MEI4: variants seen among roughly 807,000 people sequenced by gnomAD.
MEI4 encodes meiosis-specific protein MEI4.
A neutral mutation model predicts 31.4 loss-of-function variants in MEI4; 27 were observed. The ratio of observed to expected loss-of-function variants is 0.86; its 90% CI spans 0.63 to 1.19. The LOEUF (loss-of-function observed/expected upper bound fraction) is 1.19, where lower values mean the gene tolerates loss of function less well. MEI4 is among the 50% of genes most tolerant of loss of function. The pLI is 0.00. For synonymous variants in MEI4, 122 were observed against 145.4 expected (o/e 0.84, Z 1.16); for missense variants, 329 against 398.9 (o/e 0.82, Z 1.49).
chr6:77,921,543 T>A (rs764747363), intron 4 of MEI4, among the ~76,000 whole-genome samples: 66 of 151,856 alleles, frequency 4.3e-4, no homozygotes, highest in Non-Finnish European at 8.2e-4. Flanking sequence ...AACTCTTTCT[T>A]TGAATTTACA....
intron 3 of MEI4, among the ~76,000 whole-genome samples, chr6:77,768,348 TA>T (rs1193543052): frequency 6.6e-6 from 1 of 152,186 alleles, no homozygotes; most frequent in East Asian, 1.9e-4. Flanking sequence ...CTAAATTTCA[TA>T]AAGACAATAT....
chr6:77,703,312 C>T (rs1766263532), intron 2 of MEI4, among the ~76,000 whole-genome samples: 2 of 152,164 alleles, frequency 1.3e-5, no homozygotes, highest in Admixed American at 1.3e-4. Flanking sequence ...AATCCAGGAT[C>T]GAGACCCAGT....
intron 4 of MEI4, among the ~76,000 whole-genome samples, chr6:77,865,084 G>T (rs1434506153): frequency 1.3e-5 from 2 of 152,156 alleles, no homozygotes; most frequent in Non-Finnish European, 1.5e-5. Flanking sequence ...TCAAAGCAGT[G>T]TGTAGAGGGA....
chr6:77,681,576 TATAAA>T (rs1368995040), intron 1 of MEI4, among the ~76,000 whole-genome samples: 1 of 152,156 alleles, frequency 6.6e-6, no homozygotes, highest in Non-Finnish European at 1.5e-5. Flanking sequence ...TCTGTTATCT[TATAAA>T]ATATATGTGA....
intron 4 of MEI4, among the ~76,000 whole-genome samples, chr6:77,840,841 A>G (rs897395655): frequency 9.2e-5 from 14 of 152,194 alleles, no homozygotes; most frequent in African/African-American, 3.1e-4. Flanking sequence ...ATCAGAACCC[A>G]TGGTGGCTCC....
Position 77,690,728 on chromosome 6 carries a change from T to C in MEI4, c.57T>C (p.Ile19=). Residue 19 remains isoleucine, a synonymous_variant, in exon 2 of 5, where the codon ATT becomes ATC. Coordinates refer to ENST00000684080, the MANE Select transcript of MEI4 (RefSeq NM_001322247.2). ...RTSKLALALA[I]IRSKPADKSS... is the part of the protein sequence containing the mutation. ...CAAAGCTGGCTCTGGCCTTGGCAAT[T>C]ATCCGCTCAAAACCAGCAGACAAAA... 2.4e-6 allele frequency: 3 copies of C among 1,231,586 alleles called. No individual in the cohort carries two copies. Among genetic ancestry groups the C allele is most frequent in the Non-Finnish European group, 3.0e-6 (3 of 987,420 alleles). The allele number at this position is 1,231,586 out of a possible 1,614,324, so 76.3% of individuals were successfully genotyped here.
intron 1 of MEI4, among the ~76,000 whole-genome samples, chr6:77,665,907 C>T (rs1425156595): frequency 1.3e-5 from 2 of 152,090 alleles, no homozygotes; most frequent in African/African-American, 2.4e-5. Context: ...GACCTGAGGT[C>T]GTAGGTGGAT....
At chr6:77,656,808 A>T (rs1300755562) in intron 1 of MEI4, among the ~76,000 whole-genome samples, 1 of 152,126 alleles carries the variant, frequency 6.6e-6, no homozygotes, top group Non-Finnish European at 1.5e-5. Context: ...TAATTAAAAA[A>T]ATTCACTCAC....
At chr6:77,731,544 G>C (rs1303090409) in intron 2 of MEI4, among the ~76,000 whole-genome samples, 3 of 151,212 alleles carry the variant, frequency 2.0e-5, no homozygotes, top group Non-Finnish European at 3.0e-5. Context: ...TGTCAGATGA[G>C]TAGGTTGTGA....
intron 2 of MEI4, among the ~76,000 whole-genome samples, chr6:77,733,039 T>C (rs1362375073): frequency 6.6e-6 from 1 of 151,934 alleles, no homozygotes; most frequent in African/African-American, 2.4e-5. Context: ...CAGTATTTTA[T>C]TGAGGATTTT....
intron 4 of MEI4, among the ~76,000 whole-genome samples, chr6:77,880,327 C>T (rs1231797664): frequency 5.3e-5 from 8 of 151,502 alleles, no homozygotes; most frequent in Non-Finnish European, 1.2e-4. Flanking sequence ...GCCTCCCGGG[C>T]TCACGCCATT....
chr6:77,883,926 G>T (rs1020167181), intron 4 of MEI4, among the ~76,000 whole-genome samples: 3 of 150,284 alleles, frequency 2.0e-5, no homozygotes, highest in African/African-American at 7.4e-5. Context: ...GTACTTTCAG[G>T]GTTTTTTTTA....
chr6:77,790,174 G>A (rs1413061759), intron 3 of MEI4, among the ~76,000 whole-genome samples: 3 of 148,732 alleles, frequency 2.0e-5, no homozygotes, highest in Admixed American at 6.8e-5. Flanking sequence ...AACACCGCAT[G>A]TTCTCACTCA....
At chr6:77,913,918 C>T (rs2127739809) in intron 4 of MEI4, among the ~76,000 whole-genome samples, 1 of 151,302 alleles carries the variant, frequency 6.6e-6, no homozygotes, top group South Asian at 2.1e-4. Context: ...CCTGTAGTCC[C>T]AGCTACTCCA....
At chr6:77,890,128 G>A (rs759893440) in intron 4 of MEI4, among the ~76,000 whole-genome samples, 8 of 152,232 alleles carry the variant, frequency 5.3e-5, no homozygotes, top group Non-Finnish European at 1.2e-4. Flanking sequence ...TAGTGGAACT[G>A]TCAGAAGAGG....
chr6:77,787,796 T>C (rs1011797125), intron 3 of MEI4, among the ~76,000 whole-genome samples: 24 of 152,248 alleles, frequency 1.6e-4, no homozygotes, highest in Non-Finnish European at 2.9e-5. Context: ...AGCACAGATA[T>C]ATAACCACAT....
chr6:77,735,297 A>G (rs1388903692), intron 2 of MEI4, among the ~76,000 whole-genome samples: 1 of 151,720 alleles, frequency 6.6e-6, no homozygotes, highest in Admixed American at 6.6e-5. Flanking sequence ...TGGTCTTTTC[A>G]CATAGTCCCA....
chr6:77,733,145 A>G (rs1767063054), intron 2 of MEI4, among the ~76,000 whole-genome samples: 1 of 151,902 alleles, frequency 6.6e-6, no homozygotes, highest in African/African-American at 2.4e-5. Flanking sequence ...GCTTCATAAA[A>G]TGAGTTAGGG....
chr6:77,782,216 G>A (rs760370035), intron 3 of MEI4, among the ~76,000 whole-genome samples: 4 of 152,042 alleles, frequency 2.6e-5, no homozygotes, highest in Non-Finnish European at 5.9e-5. Flanking sequence ...AGGGAGGGAT[G>A]AGAGAAGGGG....
Sources: allele counts gnomAD v4.1 joint callset (sites outside exome capture counted in the v4.1 genomes callset), GRCh38; gene constraint gnomAD v4.1.1; transcripts MANE v1.5; gene names NCBI Gene and HGNC (gene_info 2026-07-23, HGNC 2026-07-21).